Variants in ZNF681 observed in about 807,000 individuals in gnomAD.
ZNF681 encodes zinc finger protein 681, also known as hypothetical protein FLJ31526.
Under a neutral mutation model 56.0 loss-of-function variants are expected in ZNF681, and 37 were observed. The ratio of observed to expected loss-of-function variants is 0.66; its 90% CI spans 0.51 to 0.87. The LOEUF is 0.87. ZNF681 is among the 40% of genes least tolerant of loss of function. ZNF681 has a pLI of 0.00. For missense variants in ZNF681, 741 were observed against 744.9 expected (o/e 0.99, Z 0.06); for synonymous variants, 225 against 248.6 (o/e 0.91, Z 0.89).
intron 1 of ZNF681, among the ~76,000 whole-genome samples, chr19:23,756,352 G>A (rs1336442505): frequency 6.6e-6 from 1 of 151,018 alleles, no homozygotes; most frequent in South Asian, 2.1e-4. Flanking sequence ...ATATGTTATT[G>A]AATCACTATT....
In ZNF681 at chr19:23,744,082, A is replaced by G; in HGVS notation, c.1468T>C (p.Ser490Pro). ...CTCTTATGTGTAGTAAGGATTGAGG[A>G]CTGGTTAAAAGCTTTGCCACATTCT... ...CEECGKAFNQ[S>P]SILTTHKRIH... is the part of the protein sequence containing the mutation. Residue 490 changes from serine (S) to proline (P), a missense_variant, in exon 4 of 4, where the codon TCC becomes CCC. Coordinates refer to ENST00000402377, the MANE Select transcript of ZNF681 (RefSeq NM_138286.3). The G allele has an allele frequency of 3.1e-6, 5 of 1,603,170 alleles. No homozygotes were observed. The highest frequency in any genetic ancestry group is 4.3e-6 in the Non-Finnish European group (5 of 1,173,202).
rs1474844053 is a variant in ZNF681 at position 23,741,134 on chromosome 19, T to G, written c.*2478A>C. 2 of 152,190 alleles carry G rather than the reference T, an allele frequency of 1.3e-5. No homozygotes were observed. The highest frequency in any genetic ancestry group is 6.5e-5 in the Admixed American group (1 of 15,274). 9.4% of individuals were successfully genotyped at this position (152,190 alleles called of 1,614,324 possible). A position where few individuals can be genotyped will look rare whatever the true frequency, so the allele number is the denominator to read the frequency against. On this transcript the variant is annotated 3_prime_UTR_variant, in exon 4 of 4. Transcript: ENST00000402377. ...TGTTTCAATATTGCTCTTCTGAAAC[T>G]AGGTAGAAACTCATACTCGCAAAGA...
intron 3 of ZNF681, among the ~76,000 whole-genome samples, chr19:23,752,731 C>T (rs1969051275): frequency 6.6e-6 from 1 of 152,188 alleles, no homozygotes; most frequent in Non-Finnish European, 1.5e-5. Context: ...CATCTCATTA[C>T]CCTGGGGGCC....
chr19:23,749,874 G>A (rs1341879836), intron 3 of ZNF681, among the ~76,000 whole-genome samples: 14 of 151,702 alleles, frequency 9.2e-5, no homozygotes, highest in Non-Finnish European at 1.6e-4. Context: ...AATCACAAAA[G>A]TGTTTGTCTC....
At position 23,743,994 on chromosome 19, in the gene ZNF681, G is replaced by A. The variant is rs764121743; in HGVS notation, c.1556C>T (p.Ser519Leu). 10 of 1,613,068 alleles carry A rather than the reference G, an allele frequency of 6.2e-6. No homozygotes were observed. Among genetic ancestry groups the A allele is most frequent in the Non-Finnish European group, 8.5e-6 (10 of 1,179,932 alleles). Reference sequence around the variant, plus strand: ...AATTTTCTTATGTTCAGTAAGTTTTGAGGATCGATAGAAAGCTTTGCCACA... The same window carrying A: ...AATTTTCTTATGTTCAGTAAGTTTTAAGGATCGATAGAAAGCTTTGCCACA... ...EECGKAFYRSSKLTEHKKIHT... is the reference protein window; with the variant it reads ...EECGKAFYRSLKLTEHKKIHT... Residue 519 changes from serine to leucine, a missense_variant, in exon 4 of 4, where the codon TCA becomes TTA. Transcript: ENST00000402377.
In ZNF681 at chr19:23,743,533, G is replaced by T. The variant is rs1473174622; in HGVS notation, c.*79C>A. ...TTTTGCCACATTCTTCACACTTGTA[G>T]GTTTTTTTTTAGTATGAATTATCTT... On this transcript the variant is annotated 3_prime_UTR_variant, in exon 4 of 4. Transcript: ENST00000402377. The T allele has an allele frequency of 1.3e-5, 17 of 1,310,864 alleles. No individual in the cohort carries two copies. The highest frequency in any genetic ancestry group is 3.1e-5 in the Admixed American group (1 of 31,942). The allele number at this position is 1,310,864 out of a possible 1,614,324, so 81.2% of individuals were successfully genotyped here. A position where few individuals can be genotyped will look rare whatever the true frequency, so the allele number is the denominator to read the frequency against.
At chr19:23,755,724 T>C (rs1212376317) in intron 1 of ZNF681, among the ~76,000 whole-genome samples, 173 bp from the exon 2 acceptor site, 1 of 152,184 alleles carries the variant, frequency 6.6e-6, no homozygotes, top group Admixed American at 6.5e-5. Context: ...AATTTTTTTT[T>C]ACACAGGAAC....
intron 3 of ZNF681, among the ~76,000 whole-genome samples, chr19:23,746,844 G>A (rs1968951701): frequency 6.6e-6 from 1 of 152,178 alleles, no homozygotes; most frequent in Non-Finnish European, 1.5e-5. Context: ...GGAATACCAG[G>A]TGGGTGCTGT....
In ZNF681 at chr19:23,743,723, C is replaced by T; in HGVS notation, c.1827G>A (p.Lys609=). ...AGAGTTTCTCACCAGTATGAATTTT[C>T]TTATGTCCAGTAAGGTTTGAGGACT... ...FNQSSNLTGH[K]KIHTGEKLYK... Residue 609 remains lysine, a synonymous_variant, in exon 4 of 4, where the codon AAG becomes AAA. Coordinates refer to ENST00000402377, the MANE Select transcript of ZNF681 (RefSeq NM_138286.3). 1 of 1,612,830 alleles carries T rather than the reference C, an allele frequency of 6.2e-7. No individual in the cohort carries two copies. Among genetic ancestry groups the T allele is most frequent in the African/African-American group, 1.3e-5 (1 of 75,022 alleles).
intron 1 of ZNF681, among the ~76,000 whole-genome samples, chr19:23,758,289 C>A (rs1343603325): frequency 6.6e-6 from 1 of 152,216 alleles, no homozygotes; most frequent in Non-Finnish European, 1.5e-5. Flanking sequence ...TCTGTAATTA[C>A]ACCTACTCGG....
intron 3 of ZNF681, among the ~76,000 whole-genome samples, chr19:23,747,666 C>G (rs935496859): frequency 3.4e-5 from 5 of 146,214 alleles, no homozygotes; most frequent in Non-Finnish European, 6.0e-5. Flanking sequence ...AAAAAATCCC[C>G]AAAGCACAAG....
rs1969007308 is a variant in ZNF681 at position 23,750,295 on chromosome 19, A to AC, written c.226+4527_226+4528insG. Among the ~76,000 whole-genome samples, 60 of 76,086 alleles carry AC rather than the reference A, an allele frequency of 7.9e-4. 2 individuals are homozygous for AC. In the South Asian group the frequency reaches 0.039, roughly 50 times the overall value. 49.9% of individuals were successfully genotyped at this position (76,086 alleles called of 152,430 possible). On this transcript the variant is annotated intron_variant, in intron 3 of 3. Coordinates refer to ENST00000402377, the MANE Select transcript of ZNF681 (RefSeq NM_138286.3). ...TGAGACTCCAACTCAAAAAAAAAAAAAAAAAAAACCAAAAAACAACTAAGA... is the reference window on the plus strand; with the variant it reads ...TGAGACTCCAACTCAAAAAAAAAAAACAAAAAAAACCAAAAAACAACTAAGA...
intron 1 of ZNF681, among the ~76,000 whole-genome samples, chr19:23,757,524 A>G (rs564378744): frequency 6.6e-6 from 1 of 152,276 alleles, no homozygotes; most frequent in Non-Finnish European, 1.5e-5. Context: ...TAGATCTGTA[A>G]GAATAGAAAA....
At position 23,744,069 on chromosome 19, in the gene ZNF681, G is replaced by A; in HGVS notation, c.1481C>T (p.Thr494Ile). The A allele has an allele frequency of 6.2e-7, 1 of 1,613,026 alleles. No homozygotes were observed. The highest frequency in any genetic ancestry group is 8.5e-7 in the Non-Finnish European group (1 of 1,179,660). The change falls in exon 4 of 4, where the codon ACT (threonine) becomes ATT (isoleucine). Residue 494 changes from threonine to isoleucine, a missense_variant. By Grantham distance (89) the Thr-to-Ile change is moderately conservative. Transcript: ENST00000402377. The part of the protein sequence containing the change: ...GKAFNQSSIL[T>I]THKRIHTGEK... ...TCCAGTATGAATTCTCTTATGTGTA[G>A]TAAGGATTGAGGACTGGTTAAAAGC...
At chr19:23,751,509 A>C (rs1199048148) in intron 3 of ZNF681, among the ~76,000 whole-genome samples, 3 of 151,382 alleles carry the variant, frequency 2.0e-5, no homozygotes, top group Admixed American at 2.0e-4. Context: ...AAAAAATTCT[A>C]TTCTCTAGAT....
chr19:23,749,282 C>T (rs1968989733), intron 3 of ZNF681, among the ~76,000 whole-genome samples: 1 of 152,118 alleles, frequency 6.6e-6, no homozygotes, highest in African/African-American at 2.4e-5. Flanking sequence ...CTTAAGTAGT[C>T]ACGCTCATAA....
At position 23,758,839 on chromosome 19, in the gene ZNF681, G is replaced by A; in HGVS notation, c.-90C>T. 6.3e-7 allele frequency: 1 copy of A among 1,579,276 alleles called. No homozygotes were observed. Among genetic ancestry groups the A allele is most frequent in the Non-Finnish European group, 8.7e-7 (1 of 1,152,418 alleles). ...CATAGAGGCTGGGCCTCTAGAAGAA[G>A]AGGACACAGAGCAGTGAAGACGAGA... On this transcript the variant is annotated 5_prime_UTR_variant, in exon 1 of 4. Coordinates refer to ENST00000402377, the MANE Select transcript of ZNF681 (RefSeq NM_138286.3).
Position 23,758,875 on chromosome 19 carries a change from G to A in ZNF681, c.-126C>T, listed in dbSNP as rs879190905. The stretch of plus-strand genomic sequence containing the variant: ...GCAGTGAAGACGAGACCCGGAGCTC[G>A]GGCTGAAGGGAGAGACAAAGGCCCC... On this transcript the variant is annotated 5_prime_UTR_variant, in exon 1 of 4. Transcript: ENST00000402377. 1.0e-4 allele frequency: 141 copies of A among 1,349,280 alleles called. 1 individual carries two copies. In the South Asian group the frequency reaches 1.6e-3, roughly 16 times the overall value. The allele number at this position is 1,349,280 out of a possible 1,614,324, so 83.6% of individuals were successfully genotyped here.
At chr19:23,747,580 C>T (rs1968962863) in intron 3 of ZNF681, among the ~76,000 whole-genome samples, 1 of 139,850 alleles carries the variant, frequency 7.2e-6, no homozygotes. Context: ...GCGGAGCTTG[C>T]ACTGAGCCGA....
Sources: gnomAD v4.1 joint callset for allele counts (sites outside exome capture counted in the v4.1 genomes callset) on GRCh38, gnomAD v4.1.1 for gene constraint, MANE v1.5 for transcripts, NCBI Gene and HGNC (gene_info 2026-07-23, HGNC 2026-07-21) for gene names.